TSHZ3: variants seen among roughly 807,000 people sequenced by gnomAD.
The protein encoded by TSHZ3 is teashirt zinc finger homeobox 3.
In TSHZ3, 10 loss-of-function variants were observed where a neutral mutation model predicts 64.5. The observed-to-expected ratio is 0.16, with a 90% confidence interval of 0.10 to 0.26. The LOEUF is 0.26. Among genes scored for constraint, TSHZ3 ranks in the 10% least tolerant of loss-of-function variants. TSHZ3 has a pLI of 1.00. For missense variants in TSHZ3, 1,242 were observed against 1,421.7 expected (o/e 0.87, Z 2.03); for synonymous variants, 608 against 593.1 (o/e 1.03, Z -0.36).
chr19:31,285,402 C>T (rs1474779938), intron 1 of TSHZ3, among the ~76,000 whole-genome samples: 3 of 151,528 alleles, frequency 2.0e-5, no homozygotes, highest in Non-Finnish European at 4.4e-5. Flanking sequence ...ATCGCTTCAG[C>T]CCAGGAGATT....
chr19:31,278,023 G>A lies in TSHZ3; in HGVS notation c.1770C>T (p.Thr590=), dbSNP rs1431178019. The A allele has an allele frequency of 1.2e-6, 2 of 1,613,456 alleles. No homozygotes were observed. Among genetic ancestry groups the A allele is most frequent in the South Asian group, 1.1e-5 (1 of 91,078 alleles). The part of the protein sequence containing the change: ...SEIVSPTKNQ[T]LVSPPSSQTS... ...TCTGGCTGCTGGGTGGAGAGACCAG[G>A]GTCTGGTTTTTCGTCGGGGAGACAA... Residue 590 remains threonine (T), a synonymous_variant, in exon 2 of 2, where the codon ACC becomes ACT. Coordinates refer to ENST00000240587, the MANE Select transcript of TSHZ3 (RefSeq NM_020856.4). The surrounding 1 kb of genome is among the most constrained non-coding windows in gnomAD (Gnocchi z 4.7).
chr19:31,326,910 G>A (rs1178810809), intron 1 of TSHZ3, among the ~76,000 whole-genome samples: 2 of 152,202 alleles, frequency 1.3e-5, no homozygotes, highest in Non-Finnish European at 2.9e-5. Context: ...GCCCCAGTGT[G>A]CCAGTGTGCA....
intron 5 of TSHZ3, among the ~76,000 whole-genome samples, chr19:31,202,436 G>A (rs984571929): frequency 3.3e-5 from 5 of 151,828 alleles, no homozygotes; most frequent in African/African-American, 7.3e-5. Context: ...CAAGCTATTT[G>A]CTGTTTTGTA....
At chr19:31,326,163 T>C (rs752601503) in intron 1 of TSHZ3, among the ~76,000 whole-genome samples, 5 of 152,206 alleles carry the variant, frequency 3.3e-5, no homozygotes, top group Non-Finnish European at 5.9e-5. Context: ...GGATTTCTCA[T>C]TTAAAATATT....
intron 5 of TSHZ3, among the ~76,000 whole-genome samples, chr19:31,188,577 G>A (rs946690270): frequency 6.6e-5 from 10 of 151,768 alleles, no homozygotes; most frequent in African/African-American, 2.2e-4. Context: ...TCATCATATG[G>A]TTTTTTCCTT....
chr19:31,286,430 A>G (rs1416677606), intron 1 of TSHZ3, among the ~76,000 whole-genome samples: 1 of 152,258 alleles, frequency 6.6e-6, no homozygotes, highest in Non-Finnish European at 1.5e-5. Context: ...GAGCATGTTT[A>G]TGAGCTGTGT....
intron 3 of TSHZ3, among the ~76,000 whole-genome samples, chr19:31,232,686 C>T (rs781667736): frequency 6.6e-6 from 1 of 152,202 alleles, no homozygotes; most frequent in Admixed American, 6.5e-5. Context: ...AGAAATCATC[C>T]TCTTGCCTCT....
At chr19:31,162,168 C>T (rs1035530305) in intron 5 of TSHZ3, among the ~76,000 whole-genome samples, 17 of 152,236 alleles carry the variant, frequency 1.1e-4, no homozygotes, top group African/African-American at 3.9e-4. Context: ...GAGTTCCTTG[C>T]GTGTCCTATT....
intron 1 of TSHZ3, among the ~76,000 whole-genome samples, chr19:31,322,187 G>A (rs10425243): frequency 0.096 from 14,542 of 152,160 alleles, 988 homozygotes; most frequent in East Asian, 0.34. Context: ...CCAGGCTGGA[G>A]TGCAGTGGCA....
At chr19:31,169,085 G>A (rs1468317448) in intron 5 of TSHZ3, among the ~76,000 whole-genome samples, 1 of 151,980 alleles carries the variant, frequency 6.6e-6, no homozygotes, top group Non-Finnish European at 1.5e-5. Context: ...ACTCCACCCA[G>A]TGGACTTCAT....
rs1403053075 is a variant in TSHZ3 at position 31,278,692 on chromosome 19, G to A, written c.1101C>T (p.Gly367=). Residue 367 remains glycine (G), a synonymous_variant, in exon 2 of 2, where the codon GGC becomes GGT. Coordinates refer to ENST00000240587, the MANE Select transcript of TSHZ3 (RefSeq NM_020856.4). The surrounding 1 kb of genome is among the most constrained non-coding windows in gnomAD (Gnocchi z 4.7). ...ATGCATAGCTGGCCCCATTCTGGTG[G>A]CCGTACCGATTATTTGGCGTGATGT... ...NPYITPNNRY[G]HQNGASYAWH... The A allele has an allele frequency of 1.2e-6, 2 of 1,614,126 alleles. No homozygotes were observed. Among genetic ancestry groups the A allele is most frequent in the Admixed American group, 3.3e-5 (2 of 60,014 alleles).
At chr19:31,232,162 C>T (rs1430296157) in intron 3 of TSHZ3, among the ~76,000 whole-genome samples, 1 of 152,122 alleles carries the variant, frequency 6.6e-6, no homozygotes, top group Non-Finnish European at 1.5e-5. Flanking sequence ...CCACAGCCTT[C>T]TCCAAGAATG....
intron 1 of TSHZ3, among the ~76,000 whole-genome samples, chr19:31,312,809 T>A (rs561399107): frequency 1.3e-5 from 2 of 152,260 alleles, no homozygotes; most frequent in East Asian, 3.9e-4. Context: ...CTTTAACACC[T>A]CCCCAACACT....
chr19:31,305,304 T>C (rs1200795881), intron 1 of TSHZ3, among the ~76,000 whole-genome samples: 1 of 147,708 alleles, frequency 6.8e-6, no homozygotes, highest in East Asian at 1.9e-4. Context: ...TGGTGAATTC[T>C]GCTGTCTGGA....
intron 4 of TSHZ3, among the ~76,000 whole-genome samples, chr19:31,219,963 T>C (rs1051831171): frequency 6.6e-6 from 1 of 150,432 alleles, no homozygotes; most frequent in Non-Finnish European, 1.5e-5. Context: ...ATTGATTATT[T>C]GATCAATTTA....
Position 31,183,178 on chromosome 19 carries a change from T to TTCTCTCTC in TSHZ3, n.809+21770_809+21777dup, listed in dbSNP as rs750398873. 1.1e-3 allele frequency among the ~76,000 whole-genome samples: 126 copies of TTCTCTCTC among 116,518 alleles called. 3 individuals carry two copies. The highest frequency in any genetic ancestry group is 2.3e-3 in the Admixed American group (26 of 11,516). The allele number at this position is 116,518 out of a possible 152,430, so 76.4% of individuals were successfully genotyped here. On this transcript the variant is annotated intron_variant and non_coding_transcript_variant, in intron 5 of 6. Transcript: ENST00000651361. ...AATCATGTGAGCCAATTCTATGAGA[T>TTCTCTCTC]TCTCTCTCTCTCTCTCTCTCTCTCT...
rs141897175 is a variant in TSHZ3, at chr19:31,245,631, T to C, written n.64-2756A>G. ...GGAGCTCTGGACATGTGAAAATCATTGCTCCTGTACTGTAAGACCTGATAG... is the reference window on the plus strand; with the variant it reads ...GGAGCTCTGGACATGTGAAAATCATCGCTCCTGTACTGTAAGACCTGATAG... On this transcript the variant is annotated intron_variant and non_coding_transcript_variant, in intron 1 of 6. Transcript: ENST00000651361. Among the ~76,000 whole-genome samples the C allele has an allele frequency of 3.7e-3, 551 of 148,466 alleles. 8 individuals are homozygous for C. Among genetic ancestry groups the C allele is most frequent in the Non-Finnish European group, 2.6e-3 (177 of 67,890 alleles).
downstream of TSHZ3, among the ~76,000 whole-genome samples, chr19:31,271,481 A>G (rs1231048687): frequency 6.6e-6 from 1 of 152,222 alleles, no homozygotes; most frequent in African/African-American, 2.4e-5. Flanking sequence ...CACGGCACGC[A>G]GGAAGGTGAG....
At chr19:31,244,914 G>A (rs1004725102) in intron 1 of TSHZ3, among the ~76,000 whole-genome samples, 2 of 152,266 alleles carry the variant, frequency 1.3e-5, no homozygotes, top group African/African-American at 2.4e-5. Flanking sequence ...AAAGTGTTAG[G>A]ATTATAGGCA....
Sources: allele counts gnomAD v4.1 joint callset (sites outside exome capture counted in the v4.1 genomes callset), GRCh38; gene constraint gnomAD v4.1.1; non-coding constraint Gnocchi (gnomAD v3.1); transcripts MANE v1.5; gene names NCBI Gene and HGNC (gene_info 2026-07-23, HGNC 2026-07-21).